MACROD2: variants seen among roughly 807,000 people sequenced by gnomAD.
The protein encoded by MACROD2 is mono-ADP ribosylhydrolase 2, also known as ADP-ribose glycohydrolase MACROD2.
MACROD2 carries 36 observed loss-of-function variants against 70.4 expected under a neutral mutation model. The observed-to-expected ratio is 0.51, with a 90% CI of 0.39 to 0.68. The LOEUF (loss-of-function observed/expected upper bound fraction) is 0.68. Among genes scored for constraint, MACROD2 ranks in the 30% least tolerant of loss-of-function variants. MACROD2 has a pLI of 0.00. For synonymous variants in MACROD2, 172 were observed against 178.8 expected (o/e 0.96, Z 0.30); for missense variants, 496 against 538.4 (o/e 0.92, Z 0.78).
At chr20:14,885,859 A>G (rs1331139214) in intron 5 of MACROD2, among the ~76,000 whole-genome samples, 2 of 152,182 alleles carry the variant, frequency 1.3e-5, no homozygotes, top group African/African-American at 4.8e-5. Context: ...TCTGGGAAGA[A>G]TTTTATGACC....
intron 5 of MACROD2, among the ~76,000 whole-genome samples, chr20:14,748,034 T>A (rs1383199819): frequency 2.6e-5 from 4 of 152,150 alleles, no homozygotes; most frequent in Non-Finnish European, 4.4e-5. Context: ...GAAACCATTA[T>A]AATCTTAGAA....
intron 3 of MACROD2, among the ~76,000 whole-genome samples, chr20:14,441,284 G>T (rs952855460): frequency 2.6e-5 from 4 of 152,158 alleles, no homozygotes; most frequent in African/African-American, 9.7e-5. Context: ...CCATGCAGAG[G>T]AGAACTGAAG....
chr20:14,007,258 C>T (rs891363266), intron 2 of MACROD2, among the ~76,000 whole-genome samples: 6 of 152,218 alleles, frequency 3.9e-5, no homozygotes, highest in Middle Eastern at 3.4e-3. Context: ...GAATAAATGC[C>T]ATATTTCCCT....
chr20:15,218,372 T>C (rs2076829278), intron 5 of MACROD2, among the ~76,000 whole-genome samples: 1 of 152,200 alleles, frequency 6.6e-6, no homozygotes, highest in African/African-American at 2.4e-5. Flanking sequence ...ACGGTCTGCC[T>C]CTCTTTTTCA....
chr20:15,511,229 A>G (rs1314598093), intron 8 of MACROD2, among the ~76,000 whole-genome samples: 2 of 152,206 alleles, frequency 1.3e-5, no homozygotes, highest in Non-Finnish European at 2.9e-5. Context: ...AGATAAGGAG[A>G]AAAAAATATT....
intron 5 of MACROD2, among the ~76,000 whole-genome samples, chr20:14,837,189 T>TA (rs1384455841): frequency 6.6e-6 from 1 of 151,814 alleles, no homozygotes; most frequent in Non-Finnish European, 1.5e-5. Context: ...AATAAATATC[T>TA]AAAAAAAGAC....
intron 8 of MACROD2, among the ~76,000 whole-genome samples, chr20:15,708,102 G>A (rs1235773684): frequency 6.6e-6 from 1 of 151,882 alleles, no homozygotes; most frequent in African/African-American, 2.4e-5. Context: ...TAATAGTATT[G>A]GAGATTTGAA....
intron 4 of MACROD2, among the ~76,000 whole-genome samples, chr20:14,596,692 C>T (rs1395789169): frequency 6.6e-6 from 1 of 152,126 alleles, no homozygotes; most frequent in Admixed American, 6.5e-5. Flanking sequence ...GAAATGGAAT[C>T]TGAAGAGCCA....
At chr20:14,573,072 G>A (rs1305321340) in intron 4 of MACROD2, among the ~76,000 whole-genome samples, 2 of 149,404 alleles carry the variant, frequency 1.3e-5, no homozygotes, top group Non-Finnish European at 3.0e-5. Context: ...TTTCCCTTTT[G>A]CATAGTGTTT....
At chr20:16,008,823 A>G (rs146956640) in intron 15 of MACROD2, among the ~76,000 whole-genome samples, 1 of 152,326 alleles carries the variant, frequency 6.6e-6, no homozygotes, top group East Asian at 1.9e-4. Flanking sequence ...GAACTACAGG[A>G]ACACTGGATG....
At chr20:15,953,126 G>A (rs905159053) in intron 12 of MACROD2, among the ~76,000 whole-genome samples, 3 of 152,032 alleles carry the variant, frequency 2.0e-5, no homozygotes, top group Admixed American at 1.3e-4. Flanking sequence ...GTTAAACACC[G>A]CATGTTTTCA....
chr20:14,961,419 G>T (rs1390090384), intron 5 of MACROD2, among the ~76,000 whole-genome samples: 1 of 152,036 alleles, frequency 6.6e-6, no homozygotes, highest in Non-Finnish European at 1.5e-5. Context: ...ACCCATTCCA[G>T]GGCACTTTCT....
At position 15,039,930 on chromosome 20, in the gene MACROD2, G is replaced by A. The variant is rs188576112; in HGVS notation, c.419-190010G>A. ...AGTTTCTGGAGAGGTAGGTGTCTGA[G>A]TCCTTGCTTCCTTCCACACCTTCCA... is the stretch of plus-strand genomic sequence containing the variant. On this transcript the variant is annotated intron_variant, in intron 5 of 17. Transcript: ENST00000684519. Among the ~76,000 whole-genome samples, 16 of 152,254 alleles carry A rather than the reference G, an allele frequency of 1.1e-4. 1 individual carries two copies. In the East Asian group the frequency reaches 1.9e-3, roughly 18 times the overall value.
chr20:15,299,079 T>G (rs2077617934), intron 6 of MACROD2, among the ~76,000 whole-genome samples: 2 of 152,328 alleles, frequency 1.3e-5, no homozygotes, highest in African/African-American at 2.4e-5. Flanking sequence ...AGTGATAAAC[T>G]AAGACACAGA....
intron 3 of MACROD2, among the ~76,000 whole-genome samples, chr20:14,109,369 A>C (rs1199552340): frequency 6.6e-6 from 1 of 151,916 alleles, no homozygotes; most frequent in Non-Finnish European, 1.5e-5. Context: ...AGCAAATAAA[A>C]CCCAAAATTA....
intron 6 of MACROD2, among the ~76,000 whole-genome samples, chr20:15,235,484 T>G (rs1289406643): frequency 6.6e-6 from 1 of 152,206 alleles, no homozygotes; most frequent in Non-Finnish European, 1.5e-5. Context: ...AGCAAGAGCT[T>G]CCAATGGGAA....
At chr20:14,625,031 G>T (rs1160118029) in intron 4 of MACROD2, among the ~76,000 whole-genome samples, 1 of 152,034 alleles carries the variant, frequency 6.6e-6, no homozygotes, top group Non-Finnish European at 1.5e-5. Flanking sequence ...AGGGACCTAG[G>T]AGAGATTGAA....
At chr20:15,410,696 A>G (rs1238297496) in intron 6 of MACROD2, among the ~76,000 whole-genome samples, 1 of 152,122 alleles carries the variant, frequency 6.6e-6, no homozygotes, top group African/African-American at 2.4e-5. Flanking sequence ...GGAAGTAGCC[A>G]CAAAATAGTC....
chr20:14,606,602 A>G (rs991197136), intron 4 of MACROD2, among the ~76,000 whole-genome samples: 2 of 152,176 alleles, frequency 1.3e-5, no homozygotes, highest in African/African-American at 4.8e-5. Context: ...TTATTGTTTT[A>G]TGTCAGAGAT....
Sources: allele counts gnomAD v4.1 joint callset (sites outside exome capture counted in the v4.1 genomes callset), GRCh38; gene constraint gnomAD v4.1.1; transcripts MANE v1.5; gene names NCBI Gene and HGNC (gene_info 2026-07-23, HGNC 2026-07-21).